Variants in KCNK5 observed in about 807,000 individuals in gnomAD.
KCNK5 encodes potassium channel subfamily K member 5.
KCNK5 carries 18 observed loss-of-function variants against 32.9 expected under a neutral mutation model. The observed-to-expected ratio is 0.55, with a 90% confidence interval of 0.38 to 0.81. KCNK5 has a LOEUF of 0.81. KCNK5 is among the 30% of genes least tolerant of loss of function. KCNK5 has a pLI of 0.00. For synonymous variants in KCNK5, 276 were observed against 275.3 expected (o/e 1.00, Z -0.03); for missense variants, 507 against 651.0 (o/e 0.78, Z 2.41).
intron 1 of KCNK5, among the ~76,000 whole-genome samples, chr6:39,225,328 C>A (rs1771634454): frequency 6.6e-6 from 1 of 152,216 alleles, no homozygotes; most frequent in Non-Finnish European, 1.5e-5. Context: ...TGATCCCAGA[C>A]AAGTTACACT....
chr6:39,199,202 C>G (rs1396373406), intron 1 of KCNK5, among the ~76,000 whole-genome samples: 1 of 152,210 alleles, frequency 6.6e-6, no homozygotes, highest in Non-Finnish European at 1.5e-5. Context: ...AAATGCTCCC[C>G]CTGGGAAATG....
intron 4 of KCNK5, among the ~76,000 whole-genome samples, chr6:39,192,495 G>T (rs926761130): frequency 3.9e-5 from 6 of 152,170 alleles, no homozygotes; most frequent in Admixed American, 2.0e-4. Context: ...ACACAAGGGA[G>T]CCCCCAGCAC....
intron 1 of KCNK5, among the ~76,000 whole-genome samples, chr6:39,210,513 A>C (rs1771316225): frequency 6.6e-6 from 1 of 152,186 alleles, no homozygotes; most frequent in African/African-American, 2.4e-5. Context: ...CGACCCATGC[A>C]CAGGGCAACC....
chr6:39,194,191 G>A lies in KCNK5; in HGVS notation c.612C>T (p.Ile204=), dbSNP rs778756181. The change falls in exon 4 of 5, where the codon ATC becomes ATT. Residue 204 remains isoleucine, a synonymous_variant. Coordinates refer to ENST00000359534, the MANE Select transcript of KCNK5 (RefSeq NM_003740.4). The surrounding 1 kb of genome is among the most constrained non-coding windows in gnomAD (Gnocchi z 4.7). ...LYYSFITIST[I]GFGDFVAGVN... ...CACCGGCCACAAAGTCACCGAAGCC[G>A]ATGGTGGAGATGGTGATGAAGGAGT... 9.3e-6 allele frequency: 15 copies of A among 1,614,004 alleles called. No individual in the cohort carries two copies. The highest frequency in any genetic ancestry group is 2.2e-5 in the South Asian group (2 of 91,076).
Position 39,194,441 on chromosome 6 carries a change from T to A in KCNK5, c.466-104A>T. 1 of 1,439,208 alleles carries A rather than the reference T, an allele frequency of 6.9e-7. No individual in the cohort carries two copies. The highest frequency in any genetic ancestry group is 1.3e-5 in the South Asian group (1 of 74,248). The allele number at this position is 1,439,208 out of a possible 1,614,324, so 89.2% of individuals were successfully genotyped here. A position where few individuals can be genotyped will look rare whatever the true frequency, so the allele number is the denominator to read the frequency against. ...GCAGCTAGAGGAGAAGCTAGCTGGGTACCCAGCCTGACCCGGGAGGGCAAG... is the reference window on the plus strand; with the variant it reads ...GCAGCTAGAGGAGAAGCTAGCTGGGAACCCAGCCTGACCCGGGAGGGCAAG... On this transcript the variant is annotated intron_variant, in intron 3 of 4. Transcript: ENST00000359534. The surrounding 1 kb of genome is among the most constrained non-coding windows in gnomAD (Gnocchi z 4.7).
intron 1 of KCNK5, among the ~76,000 whole-genome samples, chr6:39,200,069 G>C (rs371810452): frequency 7.9e-5 from 12 of 152,188 alleles, no homozygotes; most frequent in African/African-American, 2.9e-4. Flanking sequence ...CAGGACTAAG[G>C]CCATCACTGG....
intron 1 of KCNK5, among the ~76,000 whole-genome samples, chr6:39,197,294 T>C (rs1187990172): frequency 1.3e-5 from 2 of 152,116 alleles, no homozygotes; most frequent in South Asian, 2.1e-4. Context: ...TGAAGGAAAG[T>C]GTAATTTGCA....
At chr6:39,222,788 A>T (rs1028279164) in intron 1 of KCNK5, among the ~76,000 whole-genome samples, 3 of 152,366 alleles carry the variant, frequency 2.0e-5, no homozygotes, top group Admixed American at 2.0e-4. Flanking sequence ...TGTACAAAGC[A>T]AAAGAAATAC....
intron 4 of KCNK5, among the ~76,000 whole-genome samples, chr6:39,192,521 T>A (rs1362913852): frequency 6.6e-6 from 1 of 152,196 alleles, no homozygotes; most frequent in East Asian, 1.9e-4. Flanking sequence ...AAGCTGGGGC[T>A]AGACTCACAC....
chr6:39,195,256 T>C (rs1451338474), intron 2 of KCNK5, among the ~76,000 whole-genome samples: 2 of 152,240 alleles, frequency 1.3e-5, no homozygotes, highest in Non-Finnish European at 2.9e-5. Context: ...CTAAGAAGCC[T>C]GCTGCTTTTC....
At chr6:39,216,228 T>C (rs1771433837) in intron 1 of KCNK5, among the ~76,000 whole-genome samples, 1 of 152,150 alleles carries the variant, frequency 6.6e-6, no homozygotes, top group African/African-American at 2.4e-5. Context: ...GAGGTTGCAG[T>C]GAGCTGAGAT....
At chr6:39,223,306 C>G (rs1266139704) in intron 1 of KCNK5, among the ~76,000 whole-genome samples, 3 of 152,202 alleles carry the variant, frequency 2.0e-5, no homozygotes, top group African/African-American at 7.2e-5. Flanking sequence ...TCAGCAACAC[C>G]ACCAAGGCCC....
rs972546333 is a variant in KCNK5, at chr6:39,229,261, C to G, written c.-150G>C. The G allele has an allele frequency of 1.6e-5, 14 of 852,346 alleles. No individual in the cohort carries two copies. The highest frequency in any genetic ancestry group is 2.3e-5 in the Non-Finnish European group (13 of 565,266). The allele number at this position is 852,346 out of a possible 1,614,324, so 52.8% of individuals were successfully genotyped here. On this transcript the variant is annotated 5_prime_UTR_variant, in exon 1 of 5. Coordinates refer to ENST00000359534, the MANE Select transcript of KCNK5 (RefSeq NM_003740.4). ...CTCACCCCCCGCAAGCACCGCTCCC[C>G]GGACAGAGTTGCTTGGCCAAGTTGG... is the stretch of plus-strand genomic sequence containing the variant.
intron 1 of KCNK5, among the ~76,000 whole-genome samples, chr6:39,211,816 T>C (rs919892811): frequency 6.6e-6 from 1 of 151,050 alleles, no homozygotes; most frequent in Non-Finnish European, 1.5e-5. Flanking sequence ...ATACAAAAAT[T>C]AGCTGGGCAT....
intron 1 of KCNK5, among the ~76,000 whole-genome samples, chr6:39,199,069 T>C (rs1208674132): frequency 6.6e-6 from 1 of 152,152 alleles, no homozygotes. Context: ...ACGGACGGAA[T>C]CCCTGCCCTC....
intron 1 of KCNK5, among the ~76,000 whole-genome samples, chr6:39,208,520 C>T (rs1771269874): frequency 6.6e-6 from 1 of 152,252 alleles, no homozygotes; most frequent in East Asian, 1.9e-4. Context: ...TAACCTAAAT[C>T]CCTCCGGCTG....
intron 1 of KCNK5, among the ~76,000 whole-genome samples, chr6:39,209,590 G>A (rs904320955): frequency 6.6e-6 from 1 of 152,220 alleles, no homozygotes. Context: ...TGAGAGGCCA[G>A]GCAACAGGAA....
chr6:39,229,437 C>T lies in KCNK5; in HGVS notation c.-326G>A, dbSNP rs893223863. The T allele has an allele frequency of 1.7e-5, 5 of 287,368 alleles. No homozygotes were observed. Among genetic ancestry groups the T allele is most frequent in the South Asian group, 5.1e-5 (1 of 19,668 alleles). 17.8% of individuals were successfully genotyped at this position (287,368 alleles called of 1,614,324 possible). A position where few individuals can be genotyped will look rare whatever the true frequency, so the allele number is the denominator to read the frequency against. ...CTCTGGGCAGACACGTGGGCCGCTTCTCCACGCGTCGCTCCTCCGCGCGCC... is the reference window on the plus strand; with the variant it reads ...CTCTGGGCAGACACGTGGGCCGCTTTTCCACGCGTCGCTCCTCCGCGCGCC... On this transcript the variant is annotated 5_prime_UTR_variant, in exon 1 of 5. Transcript: ENST00000359534.
In KCNK5 at chr6:39,229,377, G is replaced by A. The variant is rs544502491; in HGVS notation, c.-266C>T. 1.2e-5 allele frequency: 6 copies of A among 518,874 alleles called. No homozygotes were observed. The highest frequency in any genetic ancestry group is 1.1e-4 in the South Asian group (5 of 46,586). 32.1% of individuals were successfully genotyped at this position (518,874 alleles called of 1,614,324 possible). A position where few individuals can be genotyped will look rare whatever the true frequency, so the allele number is the denominator to read the frequency against. Reference sequence around the variant, plus strand: ...GGGCTGAAAGGGCGCCCTGGACCGCGGATGCGTAAGGAGCGGGAAGAACAC... The same window carrying A: ...GGGCTGAAAGGGCGCCCTGGACCGCAGATGCGTAAGGAGCGGGAAGAACAC... On this transcript the variant is annotated 5_prime_UTR_variant, in exon 1 of 5. Coordinates refer to ENST00000359534, the MANE Select transcript of KCNK5 (RefSeq NM_003740.4).
Sources: allele counts gnomAD v4.1 joint callset (sites outside exome capture counted in the v4.1 genomes callset), GRCh38; gene constraint gnomAD v4.1.1; non-coding constraint Gnocchi (gnomAD v3.1); transcripts MANE v1.5; gene names NCBI Gene and HGNC (gene_info 2026-07-23, HGNC 2026-07-21).